The following UPF2 variants were observed in gnomAD, a reference collection of about 807,000 sequenced individuals.
UPF2 encodes regulator of nonsense transcripts 2.
In UPF2, 17 loss-of-function variants were observed where a neutral mutation model predicts 141.4. The observed-to-expected ratio is 0.12, with a 90% CI of 0.08 to 0.18. UPF2 has a LOEUF of 0.18. Ranked by LOEUF, UPF2 falls within the 10% of genes least tolerant of loss-of-function variation. The pLI is 1.00. For missense variants in UPF2, 1,152 were observed against 1,515.9 expected (o/e 0.76, Z 3.99); for synonymous variants, 540 against 498.0 (o/e 1.08, Z -1.12).
At chr10:12,004,259 A>C (rs1181541431) in intron 5 of UPF2, among the ~76,000 whole-genome samples, 1 of 152,132 alleles carries the variant, frequency 6.6e-6, no homozygotes, top group Non-Finnish European at 1.5e-5. Context: ...TCTTACCAAG[A>C]CCTCACTTGA....
intron 8 of UPF2, among the ~76,000 whole-genome samples, chr10:11,983,184 G>A (rs1426590164): frequency 6.6e-6 from 1 of 152,154 alleles, no homozygotes; most frequent in African/African-American, 2.4e-5. Flanking sequence ...TAAGGAAGTA[G>A]CATCTTATTG....
chr10:11,972,810 T>C (rs1833442183), intron 9 of UPF2, among the ~76,000 whole-genome samples: 1 of 152,216 alleles, frequency 6.6e-6, no homozygotes, highest in African/African-American at 2.4e-5. Flanking sequence ...TGGTTCCAAG[T>C]CTTTGCTTTT....
At position 11,979,074 on chromosome 10, in the gene UPF2, C is replaced by T; in HGVS notation, c.1936G>A (p.Gly646Arg). The T allele has an allele frequency of 6.2e-7, 1 of 1,612,212 alleles. No individual in the cohort carries two copies. Among genetic ancestry groups the T allele is most frequent in the Non-Finnish European group, 8.5e-7 (1 of 1,178,726 alleles). Residue 646 changes from glycine (G) to arginine (R), a missense_variant, in exon 9 of 22, where the codon GGG becomes AGG. By Grantham distance (125) the Gly-to-Arg change is moderately radical. Transcript: ENST00000357604. This position sits in a 1 kb window ranked among gnomAD's most constrained non-coding sequence, Gnocchi z 6.2. ...VAEDLCSMLR[G>R]DFRFHVRKKD... The stretch of plus-strand genomic sequence containing the variant: ...ATACATACATGAAATCTGAAATCCC[C>T]CCTCAGCATGGAACAAAGATCCTCT...
chr10:12,030,414 A>G (rs144876760), intron 2 of UPF2, among the ~76,000 whole-genome samples: 2,139 of 151,936 alleles, frequency 0.014, 39 homozygotes, highest in African/African-American at 0.045. Flanking sequence ...GGCACCTGTA[A>G]TCTCAGCTAC....
In UPF2 at chr10:11,992,188, G is replaced by A. The variant is rs1044709615; in HGVS notation, c.1844+5484C>T. 2.6e-5 allele frequency among the ~76,000 whole-genome samples: 4 copies of A among 151,936 alleles called. No homozygotes were observed. The highest frequency in any genetic ancestry group is 2.1e-4 in the South Asian group (1 of 4,816). On this transcript the variant is annotated intron_variant, in intron 8 of 21. Coordinates refer to ENST00000357604, the MANE Select transcript of UPF2 (RefSeq NM_015542.4). The surrounding 1 kb of genome is among the most constrained non-coding windows in gnomAD (Gnocchi z 4.1). Reference sequence around the variant, plus strand: ...ACCTTCAGCAAATAAGGGCATTAGAGCAAGAAATTTTAATATAAATGTTTT... The same window carrying A: ...ACCTTCAGCAAATAAGGGCATTAGAACAAGAAATTTTAATATAAATGTTTT...
intron 2 of UPF2, among the ~76,000 whole-genome samples, chr10:12,030,332 G>C (rs11595940): frequency 6.6e-6 from 1 of 151,962 alleles, no homozygotes; most frequent in African/African-American, 2.4e-5. Flanking sequence ...TCAGGGGTTC[G>C]AGACCAGCTT....
chr10:12,026,719 C>T (rs1834426611), intron 3 of UPF2: 3 of 437,528 alleles, frequency 6.9e-6, no homozygotes, highest in South Asian at 4.9e-5. Flanking sequence ...GGCACAATCT[C>T]GGCTCACTGC....
chr10:11,936,416 G>C lies in UPF2; in HGVS notation c.3546+129C>G. 1.0e-6 allele frequency: 1 copy of C among 970,718 alleles called. No homozygotes were observed. Among genetic ancestry groups the C allele is most frequent in the Non-Finnish European group, 1.4e-6 (1 of 710,360 alleles). 60.1% of individuals were successfully genotyped at this position (970,718 alleles called of 1,614,324 possible). On this transcript the variant is annotated intron_variant, in intron 19 of 21. Transcript: ENST00000357604. The surrounding 1 kb of genome is among the most constrained non-coding windows in gnomAD (Gnocchi z 6.6). The stretch of plus-strand genomic sequence containing the variant: ...CAAAAACAAAAAAAACTATATAAGG[G>C]AAGAAATTATTCTACCACTGAATGG...
At chr10:12,015,948 CA>C (rs1241063070) in intron 3 of UPF2, among the ~76,000 whole-genome samples, 3 of 151,964 alleles carry the variant, frequency 2.0e-5, no homozygotes, top group Non-Finnish European at 4.4e-5. Flanking sequence ...CATAATAAGC[CA>C]GGCTAAAAAG....
At chr10:12,002,838 G>A (rs948191052) in intron 5 of UPF2, among the ~76,000 whole-genome samples, 7 of 152,050 alleles carry the variant, frequency 4.6e-5, no homozygotes, top group Non-Finnish European at 4.4e-5. Flanking sequence ...TTGTGTTTTC[G>A]CAAATCAAAT....
In UPF2 at chr10:11,981,898, C is replaced by T. The variant is rs531655789; in HGVS notation, c.1845-2733G>A. ...ACAGGGTTTCCCCATATTGGCCAGG[C>T]TGGTCTTGAACTCCTGACCTTGTGA... On this transcript the variant is annotated intron_variant, in intron 8 of 21. Transcript: ENST00000357604. 4.6e-5 allele frequency among the ~76,000 whole-genome samples: 7 copies of T among 152,302 alleles called. 1 individual carries two copies. Among genetic ancestry groups the T allele is most frequent in the African/African-American group, 1.7e-4 (7 of 41,582 alleles).
At chr10:11,963,484 G>C (rs1833272208) in intron 11 of UPF2, among the ~76,000 whole-genome samples, 1 of 152,198 alleles carries the variant, frequency 6.6e-6, no homozygotes, top group South Asian at 2.1e-4. Flanking sequence ...CTACAGGAAA[G>C]CATCACCACG....
At chr10:12,003,430 G>GGC (rs1833984407) in intron 5 of UPF2, among the ~76,000 whole-genome samples, 1 of 152,164 alleles carries the variant, frequency 6.6e-6, no homozygotes, top group Non-Finnish European at 1.5e-5. Flanking sequence ...ACAGAACAAT[G>GGC]CAGGAAGGCA....
chr10:11,979,009 C>G lies in UPF2; in HGVS notation c.1953+48G>C. 1 of 1,403,828 alleles carries G rather than the reference C, an allele frequency of 7.1e-7. No individual in the cohort carries two copies. Among genetic ancestry groups the G allele is most frequent in the African/African-American group, 1.4e-5 (1 of 69,452 alleles). The allele number at this position is 1,403,828 out of a possible 1,614,324, so 87.0% of individuals were successfully genotyped here. On this transcript the variant is annotated intron_variant, in intron 9 of 21. Coordinates refer to ENST00000357604, the MANE Select transcript of UPF2 (RefSeq NM_015542.4). This position sits in a 1 kb window ranked among gnomAD's most constrained non-coding sequence, Gnocchi z 6.2. ...ATTACATTCTTAAAGAATCCTCACT[C>G]AACGTATAAGAATATAAATATTTCA... is the stretch of plus-strand genomic sequence containing the variant.
intron 12 of UPF2, among the ~76,000 whole-genome samples, chr10:11,957,364 G>A (rs1177411919): frequency 6.6e-6 from 1 of 151,864 alleles, no homozygotes; most frequent in Non-Finnish European, 1.5e-5. Flanking sequence ...GGGAGGCAGA[G>A]GTTGCCGTGA....
rs1832905600 is a variant in UPF2 at position 11,939,212 on chromosome 10, A to C, written c.3379-2500T>G. On this transcript the variant is annotated intron_variant, in intron 18 of 21. Coordinates refer to ENST00000357604, the MANE Select transcript of UPF2 (RefSeq NM_015542.4). This position sits in a 1 kb window ranked among gnomAD's most constrained non-coding sequence, Gnocchi z 4.8. Reference sequence around the variant, plus strand: ...TTCCAAGCCTCTGTTTCTTTAGCTAAAGCAAAGGAATACTAACAGTATCTG... The same window carrying C: ...TTCCAAGCCTCTGTTTCTTTAGCTACAGCAAAGGAATACTAACAGTATCTG... Among the ~76,000 whole-genome samples the C allele has an allele frequency of 6.6e-6, 1 of 152,186 alleles. No homozygotes were observed. The highest frequency in any genetic ancestry group is 1.9e-4 in the East Asian group (1 of 5,176).
intron 1 of UPF2, 145 bp from the exon 2 acceptor site, chr10:12,035,586 T>C: frequency 2.3e-6 from 2 of 861,402 alleles, no homozygotes. Flanking sequence ...ACTATTTCTG[T>C]TACAAAATAA....
chr10:11,980,787 T>C lies in UPF2; in HGVS notation c.1845-1622A>G, dbSNP rs1182515086. On this transcript the variant is annotated intron_variant, in intron 8 of 21. Coordinates refer to ENST00000357604, the MANE Select transcript of UPF2 (RefSeq NM_015542.4). This position sits in a 1 kb window ranked among gnomAD's most constrained non-coding sequence, Gnocchi z 4.2. ...TGTACCATACAATAATATATGAAAATGTTTGATGGTCAGGGAAAAAAACAC... is the reference window on the plus strand; with the variant it reads ...TGTACCATACAATAATATATGAAAACGTTTGATGGTCAGGGAAAAAAACAC... Among the ~76,000 whole-genome samples, 2 of 151,904 alleles carry C rather than the reference T, an allele frequency of 1.3e-5. No individual in the cohort carries two copies. Among genetic ancestry groups the C allele is most frequent in the Non-Finnish European group, 2.9e-5 (2 of 67,980 alleles).
chr10:11,954,871 G>A (rs1193232787), intron 14 of UPF2, among the ~76,000 whole-genome samples: 2 of 148,634 alleles, frequency 1.3e-5, no homozygotes, highest in Admixed American at 6.7e-5. Flanking sequence ...ATATACATGA[G>A]TGAGAAGAGA....
Sources: gnomAD v4.1 joint callset for allele counts (sites outside exome capture counted in the v4.1 genomes callset) on GRCh38, gnomAD v4.1.1 for gene constraint, Gnocchi (gnomAD v3.1) non-coding constraint, MANE v1.5 for transcripts, NCBI Gene and HGNC (gene_info 2026-07-23, HGNC 2026-07-21) for gene names.